TMEM245: variants seen among roughly 807,000 people sequenced by gnomAD.
TMEM245 encodes transmembrane protein 245, also known as protein CG-2.
A neutral mutation model predicts 101.2 loss-of-function variants in TMEM245; 69 were observed. The ratio of observed to expected loss-of-function variants is 0.68; its 90% confidence interval spans 0.56 to 0.83. TMEM245 has a LOEUF of 0.83. TMEM245 is among the 40% of genes least tolerant of loss of function. The pLI is 0.00. For synonymous variants in TMEM245, 537 were observed against 449.8 expected, an observed-to-expected ratio of 1.19 and a Z score of -2.45; for missense variants, 1,075 against 1,092.8, an observed-to-expected ratio of 0.98 and a Z score of 0.23.
chr9:109,093,641 G>T, intron 3 of TMEM245, 50 bp from the exon 4 acceptor site: 1 of 1,457,286 alleles, frequency 6.9e-7, no homozygotes, highest in Non-Finnish European at 9.6e-7. Context: ...GGAAATAATG[G>T]CTGCAAATTT....
Position 109,093,575 on chromosome 9 carries a change from C to T in TMEM245, c.816G>A (p.Gly272=). 1.9e-6 allele frequency: 3 copies of T among 1,613,990 alleles called. No homozygotes were observed. The highest frequency in any genetic ancestry group is 1.1e-5 in the South Asian group (1 of 91,052). The change falls in exon 4 of 18, where the codon GGG becomes GGA. Residue 272 remains glycine (G), a synonymous_variant. Transcript: ENST00000374586. ...TAGAAGCTGCCATGGAGATAACCTG[C>T]CCTGGTAACTCTGCCCCTGTAAAAG... ...GKESSGAELP[G]QVISMAASTL... is the part of the protein sequence containing the mutation.
intron 8 of TMEM245, among the ~76,000 whole-genome samples, chr9:109,080,269 T>C (rs1829629225): frequency 6.6e-6 from 1 of 152,090 alleles, no homozygotes; most frequent in Non-Finnish European, 1.5e-5. Context: ...GGGGAAATCT[T>C]GTCAGACTTG....
chr9:109,055,112 T>C (rs923636623), intron 12 of TMEM245, among the ~76,000 whole-genome samples: 2 of 152,238 alleles, frequency 1.3e-5, no homozygotes, highest in African/African-American at 4.8e-5. Context: ...TGTTTCTTTA[T>C]CATCTATCTT....
In TMEM245 at chr9:109,016,588, A is replaced by C. The variant is rs41278371; in HGVS notation, c.*3872T>G. On this transcript the variant is annotated 3_prime_UTR_variant, in exon 18 of 18. Transcript: ENST00000374586. ...CACAGAATTTCTGACTCTAGTAGAC[A>C]GAACAACTTGATTTATAATTCTCTT... 1.3e-5 allele frequency: 2 copies of C among 152,128 alleles called. No homozygotes were observed. The highest frequency in any genetic ancestry group is 2.9e-5 in the Non-Finnish European group (2 of 68,024). The allele number at this position is 152,128 out of a possible 1,614,324, so 9.4% of individuals were successfully genotyped here.
intron 8 of TMEM245, among the ~76,000 whole-genome samples, chr9:109,079,879 A>G (rs1829618965): frequency 1.3e-5 from 2 of 152,232 alleles, no homozygotes; most frequent in East Asian, 1.9e-4. Flanking sequence ...AAGTCTGCAC[A>G]GTATATATAC....
rs768533830 is a variant in TMEM245, at chr9:109,050,408, T to C, written c.1998A>G (p.Leu666=). ...VLSLIIFLTT[L]FYLLSSSDEY... Reference sequence around the variant, plus strand: ...CATCACTGGAACTTAATAGATAAAATAGTGTGGTCAGGAAAATTATCTGCA... The same window carrying C: ...CATCACTGGAACTTAATAGATAAAACAGTGTGGTCAGGAAAATTATCTGCA... Residue 666 remains leucine (L), a synonymous_variant, in exon 14 of 18, where the codon CTA becomes CTG. Coordinates refer to ENST00000374586, the MANE Select transcript of TMEM245 (RefSeq NM_032012.4). The C allele has an allele frequency of 5.0e-6, 8 of 1,613,806 alleles. No individual in the cohort carries two copies. The highest frequency in any genetic ancestry group is 4.0e-5 in the African/African-American group (3 of 74,870).
rs755172628 is a variant in TMEM245 at position 109,020,388 on chromosome 9, G to C, written c.*72C>G. ...CTTGCTAGGCACAGCTGGAAGGGCAGAGGGCCACAGCTGAGCTGAACTCGC... is the reference window on the plus strand; with the variant it reads ...CTTGCTAGGCACAGCTGGAAGGGCACAGGGCCACAGCTGAGCTGAACTCGC... On this transcript the variant is annotated 3_prime_UTR_variant, in exon 18 of 18. Transcript: ENST00000374586. 1 of 1,469,180 alleles carries C rather than the reference G, an allele frequency of 6.8e-7. No homozygotes were observed. The highest frequency in any genetic ancestry group is 9.5e-7 in the Non-Finnish European group (1 of 1,047,766). The allele number at this position is 1,469,180 out of a possible 1,614,324, so 91.0% of individuals were successfully genotyped here.
chr9:109,042,651 A>G (rs534066451), intron 14 of TMEM245, among the ~76,000 whole-genome samples: 1 of 151,886 alleles, frequency 6.6e-6, no homozygotes. Context: ...TTCTAATAAA[A>G]TTTTTTTATT....
Position 109,105,005 on chromosome 9 carries a change from T to A in TMEM245, c.799+1503A>T, listed in dbSNP as rs1418593181. On this transcript the variant is annotated intron_variant, in intron 3 of 17. Transcript: ENST00000374586. ...CACAAGCAATAAAAGAAAAAGTAGATAAACTGGACTTCATCAAAAAAATTT... is the reference window on the plus strand; with the variant it reads ...CACAAGCAATAAAAGAAAAAGTAGAAAAACTGGACTTCATCAAAAAAATTT... 2.6e-5 allele frequency among the ~76,000 whole-genome samples: 4 copies of A among 152,230 alleles called. No homozygotes were observed. The South Asian group carries it at 6.2e-4, about 24-fold the overall frequency.
intron 12 of TMEM245, among the ~76,000 whole-genome samples, chr9:109,053,334 C>T (rs1286590397): frequency 2.0e-5 from 3 of 151,858 alleles, no homozygotes; most frequent in African/African-American, 7.3e-5. Context: ...GGCTGAGGCA[C>T]AAAAATTTCT....
Position 109,019,797 on chromosome 9 carries a change from A to G in TMEM245, c.*663T>C, listed in dbSNP as rs1474164135. 2.6e-5 allele frequency: 4 copies of G among 152,594 alleles called. No homozygotes were observed. The highest frequency in any genetic ancestry group is 2.1e-4 in the South Asian group (1 of 4,834). 9.5% of individuals were successfully genotyped at this position (152,594 alleles called of 1,614,324 possible). On this transcript the variant is annotated 3_prime_UTR_variant, in exon 18 of 18. Coordinates refer to ENST00000374586, the MANE Select transcript of TMEM245 (RefSeq NM_032012.4). ...GTCAGCCAAGTTTTATAATTTGGCA[A>G]TAGTGTAAAGAAGCGTGAAGAGAAA...
At chr9:109,106,372 A>T in intron 3 of TMEM245, 136 bp downstream of exon 3, 1 of 491,556 alleles carries the variant, frequency 2.0e-6, no homozygotes, top group Non-Finnish European at 3.5e-6. Flanking sequence ...AAAATATTTT[A>T]AACAATTTAT....
In TMEM245 at chr9:109,026,660, G is replaced by A. The variant is rs541999200; in HGVS notation, c.2595-6155C>T. On this transcript the variant is annotated intron_variant, in intron 17 of 17. Coordinates refer to ENST00000374586, the MANE Select transcript of TMEM245 (RefSeq NM_032012.4). ...GTGGGACTGCTATGACCTGGCATAC[G>A]TGATAGAGTTTGGCTGTCTGTCCCC... 9.3e-5 allele frequency among the ~76,000 whole-genome samples: 14 copies of A among 150,796 alleles called. No individual in the cohort carries two copies. In the South Asian group the frequency reaches 2.1e-3, roughly 23 times the overall value.
intron 17 of TMEM245, among the ~76,000 whole-genome samples, chr9:109,032,916 A>G (rs1001844419): frequency 2.0e-5 from 3 of 148,216 alleles, no homozygotes; most frequent in Non-Finnish European, 4.4e-5. Context: ...CTTCTGCCTC[A>G]GCCTCCCAAA....
chr9:109,079,272 C>T (rs1829602125), intron 8 of TMEM245, among the ~76,000 whole-genome samples: 1 of 151,836 alleles, frequency 6.6e-6, no homozygotes, highest in Non-Finnish European at 1.5e-5. Flanking sequence ...TGCTATTATC[C>T]CAGGACATAT....
intron 16 of TMEM245, among the ~76,000 whole-genome samples, chr9:109,034,351 T>C (rs879858094): frequency 6.6e-6 from 1 of 152,264 alleles, no homozygotes; most frequent in Non-Finnish European, 1.5e-5. Context: ...ATTATATTCA[T>C]AATGTGTTTG....
chr9:109,077,326 A>C (rs986016251), intron 8 of TMEM245, among the ~76,000 whole-genome samples: 1 of 151,870 alleles, frequency 6.6e-6, no homozygotes, highest in African/African-American at 2.4e-5. Flanking sequence ...AATTTTTTCT[A>C]TTCTTTGTAG....
chr9:109,099,382 T>C (rs1378582197), intron 3 of TMEM245, among the ~76,000 whole-genome samples: 2 of 152,192 alleles, frequency 1.3e-5, no homozygotes, highest in Non-Finnish European at 2.9e-5. Context: ...CCAAAACAAG[T>C]AAGGCAACTA....
In TMEM245 at chr9:109,017,179, G is replaced by A. The variant is rs1312881011; in HGVS notation, c.*3281C>T. The A allele has an allele frequency of 6.6e-6, 1 of 152,180 alleles. No homozygotes were observed. The highest frequency in any genetic ancestry group is 1.5e-5 in the Non-Finnish European group (1 of 68,044). 9.4% of individuals were successfully genotyped at this position (152,180 alleles called of 1,614,324 possible). A position where few individuals can be genotyped will look rare whatever the true frequency, so the allele number is the denominator to read the frequency against. On this transcript the variant is annotated 3_prime_UTR_variant, in exon 18 of 18. Coordinates refer to ENST00000374586, the MANE Select transcript of TMEM245 (RefSeq NM_032012.4). ...GAAGATCTCATCTGCAAGCCATTTA[G>A]CAGCCCTTTAACTGTAAAAAGCAGT...
Sources: gnomAD v4.1 joint callset for allele counts (sites outside exome capture counted in the v4.1 genomes callset) on GRCh38, gnomAD v4.1.1 for gene constraint, MANE v1.5 for transcripts, NCBI Gene and HGNC (gene_info 2026-07-23, HGNC 2026-07-21) for gene names.